CTNNA2: variants seen among roughly 807,000 people sequenced by gnomAD.
The protein encoded by CTNNA2 is catenin alpha-2.
In CTNNA2, 42 loss-of-function variants were observed where a neutral mutation model predicts 101.0. That is an observed-to-expected ratio of 0.42 (90% CI 0.32 to 0.54). CTNNA2 has a LOEUF of 0.54. Among genes scored for constraint, CTNNA2 ranks in the 20% least tolerant of loss-of-function variants. The pLI is 0.14. For synonymous variants in CTNNA2, 450 were observed against 456.4 expected, an observed-to-expected ratio of 0.99 and a Z score of 0.18; for missense variants, 871 against 1,223.1, an observed-to-expected ratio of 0.71 and a Z score of 4.29.
chr2:79,693,363 G>A (rs1684446196), intron 2 of CTNNA2, among the ~76,000 whole-genome samples: 2 of 151,948 alleles, frequency 1.3e-5, no homozygotes, highest in African/African-American at 2.4e-5. Flanking sequence ...GAAAGCATTT[G>A]AGAATTGATG....
chr2:79,921,554 C>G (rs1686653419), intron 7 of CTNNA2, among the ~76,000 whole-genome samples: 1 of 152,198 alleles, frequency 6.6e-6, no homozygotes, highest in Non-Finnish European at 1.5e-5. Flanking sequence ...CACCTCACCA[C>G]TCTCAAACAC....
chr2:80,232,341 G>GTTTTTTT (rs1286822049), intron 7 of CTNNA2, among the ~76,000 whole-genome samples: 15 of 82,018 alleles, frequency 1.8e-4, no homozygotes, highest in East Asian at 6.2e-4. Context: ...TTGTTTGTTT[G>GTTTTTTT]TTTGTTTTTT....
chr2:80,560,640 C>T (rs1693499801), intron 12 of CTNNA2, among the ~76,000 whole-genome samples: 1 of 152,164 alleles, frequency 6.6e-6, no homozygotes. Context: ...CATATCCATG[C>T]TGCTCCCTCT....
intron 1 of CTNNA2, among the ~76,000 whole-genome samples, chr2:79,542,523 A>G (rs1206929623): frequency 6.6e-6 from 1 of 152,182 alleles, no homozygotes; most frequent in Non-Finnish European, 1.5e-5. Flanking sequence ...CAAAATTCCC[A>G]GATTTGAATC....
At chr2:79,556,105 T>C (rs1674428428) in intron 1 of CTNNA2, among the ~76,000 whole-genome samples, 1 of 152,234 alleles carries the variant, frequency 6.6e-6, no homozygotes, top group African/African-American at 2.4e-5. Context: ...TCCTCCTCCA[T>C]ATAAATTGAA....
chr2:80,006,518 C>G (rs944009499), intron 7 of CTNNA2, among the ~76,000 whole-genome samples: 18 of 151,998 alleles, frequency 1.2e-4, no homozygotes, highest in African/African-American at 4.3e-4. Flanking sequence ...CCAGGTTTCT[C>G]CATGTTGGTC....
chr2:79,999,483 C>T (rs540984916), intron 7 of CTNNA2, among the ~76,000 whole-genome samples: 1 of 152,290 alleles, frequency 6.6e-6, no homozygotes, highest in East Asian at 1.9e-4. Context: ...GCTTCTGTGG[C>T]TGAGAGATAG....
chr2:80,243,590 C>G (rs919187839), intron 7 of CTNNA2, among the ~76,000 whole-genome samples: 2 of 152,210 alleles, frequency 1.3e-5, no homozygotes, highest in East Asian at 1.9e-4. Context: ...TACATTGCAT[C>G]GTGTATCGAT....
chr2:79,971,201 A>G (rs373496424), intron 7 of CTNNA2, among the ~76,000 whole-genome samples: 2 of 152,056 alleles, frequency 1.3e-5, no homozygotes, highest in South Asian at 4.2e-4. Context: ...TTTCTTGTAA[A>G]CTCAAAAGCA....
At chr2:80,532,046 A>T (rs992959505) in intron 9 of CTNNA2, among the ~76,000 whole-genome samples, 1 of 152,194 alleles carries the variant, frequency 6.6e-6, no homozygotes, top group Admixed American at 6.5e-5. Flanking sequence ...ATGTGTTCCA[A>T]TATGACTTTA....
upstream of CTNNA2, among the ~76,000 whole-genome samples, chr2:79,512,252 G>A (rs992358092): frequency 6.6e-6 from 1 of 152,164 alleles, no homozygotes; most frequent in South Asian, 2.1e-4. Context: ...CCTAAGTACA[G>A]TGTCTGGTAC....
chr2:79,814,638 C>CACACATATATAT (rs145584853), intron 3 of CTNNA2, among the ~76,000 whole-genome samples: 3 of 146,962 alleles, frequency 2.0e-5, no homozygotes, highest in South Asian at 2.2e-4. Context: ...CACACACACA[C>CACACATATATAT]ATATATATAT....
At position 79,529,741 on chromosome 2, in the gene CTNNA2, T is replaced by C. The variant is rs995820434; in HGVS notation, c.-6+16534T>C. 2.0e-5 allele frequency among the ~76,000 whole-genome samples: 3 copies of C among 151,790 alleles called. No homozygotes were observed. The Admixed American group carries it at 2.0e-4, about 10-fold the overall frequency. On this transcript the variant is annotated intron_variant, in intron 1 of 18. Coordinates refer to ENST00000402739, the MANE Select transcript of CTNNA2 (RefSeq NM_001282597.3). ...TGTTACTCCTACTTTTAGCTTTTGG[T>C]TTGGATTTTTAGCCAAAGCATACAC...
intron 7 of CTNNA2, among the ~76,000 whole-genome samples, chr2:80,009,843 G>A (rs939022312): frequency 5.3e-5 from 8 of 151,916 alleles, no homozygotes; most frequent in East Asian, 1.9e-4. Flanking sequence ...TGATCTCTAC[G>A]TTGGATAGTT....
intron 3 of CTNNA2, among the ~76,000 whole-genome samples, chr2:79,350,497 G>T (rs2104438060): frequency 6.6e-6 from 1 of 152,214 alleles, no homozygotes; most frequent in East Asian, 1.9e-4. Context: ...AGTATTCTAT[G>T]ATATATATAT....
At chr2:79,886,386 TG>T (rs2104165581) in intron 6 of CTNNA2, among the ~76,000 whole-genome samples, 1 of 152,202 alleles carries the variant, frequency 6.6e-6, no homozygotes, top group African/African-American at 2.4e-5. Context: ...AGACCAATCC[TG>T]AAGAGCTATT....
At chr2:79,656,764 T>C (rs974257453) in intron 2 of CTNNA2, among the ~76,000 whole-genome samples, 11 of 151,230 alleles carry the variant, frequency 7.3e-5, no homozygotes, top group Non-Finnish European at 1.3e-4. Flanking sequence ...AAGGAAGGAG[T>C]TTCAATAGGT....
intron 6 of CTNNA2, among the ~76,000 whole-genome samples, chr2:79,898,541 G>C (rs1684866566): frequency 6.6e-6 from 1 of 152,170 alleles, no homozygotes; most frequent in Non-Finnish European, 1.5e-5. Context: ...GTCTTCCACT[G>C]TGTGGCCTTC....
chr2:79,913,788 G>T (rs1054308101), intron 7 of CTNNA2, among the ~76,000 whole-genome samples: 3 of 152,204 alleles, frequency 2.0e-5, no homozygotes, highest in Non-Finnish European at 4.4e-5. Context: ...TTGAATGACA[G>T]TTGCAGTTGT....
Sources: allele counts gnomAD v4.1 joint callset (sites outside exome capture counted in the v4.1 genomes callset), GRCh38; gene constraint gnomAD v4.1.1; transcripts MANE v1.5; gene names NCBI Gene and HGNC (gene_info 2026-07-23, HGNC 2026-07-21).